RFPL1: variants seen among roughly 807,000 people sequenced by gnomAD.
RFPL1 encodes ret finger protein like 1, also known as ret finger protein-like 1.
RFPL1 carries 6 observed loss-of-function variants against 9.6 expected under a neutral mutation model. The ratio of observed to expected loss-of-function variants is 0.62; its 90% confidence interval spans 0.34 to 1.23. The LOEUF (loss-of-function observed/expected upper bound fraction) is 1.23, where lower values mean the gene tolerates loss of function less well. Among genes scored for constraint, RFPL1 ranks in the 50% most tolerant of loss-of-function variants. The probability of loss-of-function intolerance (pLI) is 0.03; values close to 1 mark genes in which losing one functional copy is unlikely to be tolerated. For missense variants in RFPL1, 352 were observed against 398.4 expected (o/e 0.88, Z 0.99); for synonymous variants, 145 against 149.4 (o/e 0.97, Z 0.22).
the RFPL1 span, among the ~76,000 whole-genome samples, chr22:29,405,430 G>A: frequency 2.0e-5 from 3 of 152,162 alleles, no homozygotes; most frequent in Non-Finnish European, 4.4e-5. Context: ...ATAACTGAGA[G>A]ACTTTAAATG....
chr22:29,405,966 G>A, the RFPL1 span, among the ~76,000 whole-genome samples: 18 of 150,200 alleles, frequency 1.2e-4, no homozygotes, highest in South Asian at 1.9e-3. Flanking sequence ...AAAATTAGCC[G>A]GGCGCGGTGG....
chr22:29,438,495 A>G, upstream of RFPL1: 1 of 920,122 alleles, frequency 1.1e-6, no homozygotes, highest in Non-Finnish European at 1.4e-6. Context: ...CCAGCCCCTA[A>G]TTCTTATGTT....
chr22:29,423,054 G>A, the RFPL1 span: 15 of 1,057,502 alleles, frequency 1.4e-5, 1 homozygote, highest in Middle Eastern at 2.0e-4. Context: ...ACTCCCTACC[G>A]CCATAGGAGG....
chr22:29,442,116 C>G, exon 2 of RFPL1: 1 of 1,526,286 alleles, frequency 6.6e-7, no homozygotes, highest in Non-Finnish European at 8.8e-7. Context: ...CTGGGGAGGC[C>G]AAATAAGCCC....
chr22:29,437,419 G>A, upstream of RFPL1: 1 of 519,312 alleles, frequency 1.9e-6, no homozygotes, highest in South Asian at 2.2e-5. Flanking sequence ...TCTAAAATAA[G>A]CTTTTGAAGT....
At chr22:29,424,637 A>G in the RFPL1 span, among the ~76,000 whole-genome samples, 1 of 141,752 alleles carries the variant, frequency 7.1e-6, no homozygotes, top group African/African-American at 2.7e-5. Context: ...CAATTCCTTG[A>G]CAGTGGCTAA....
At chr22:29,427,196 C>A in the RFPL1 span, among the ~76,000 whole-genome samples, 1 of 152,236 alleles carries the variant, frequency 6.6e-6, no homozygotes, top group South Asian at 2.1e-4. Context: ...GGGGGCCTGA[C>A]AGTGCCCAGG....
At chr22:29,409,878 T>C in the RFPL1 span, among the ~76,000 whole-genome samples, 98,981 of 152,006 alleles carry the variant, frequency 0.65, 34,121 homozygotes, top group African/African-American at 0.88. Context: ...AGTTGGATGA[T>C]GGTAGTCAAA....
At chr22:29,390,582 T>TTTTTTTTATTTA in the RFPL1 span, among the ~76,000 whole-genome samples, 1 of 146,838 alleles carries the variant, frequency 6.8e-6, no homozygotes, top group Admixed American at 6.7e-5. Context: ...CTTATTCCAT[T>TTTTTTTTATTTA]TTTATTTATT....
exon 2 of RFPL1, chr22:29,442,066 C>T (rs1393059648): frequency 3.1e-6 from 5 of 1,609,262 alleles, no homozygotes; most frequent in Non-Finnish European, 4.2e-6. Context: ...GAGTATCTGT[C>T]CTGTGATAAA....
the RFPL1 span, among the ~76,000 whole-genome samples, chr22:29,398,496 G>A: frequency 2.0e-4 from 30 of 152,316 alleles, no homozygotes; most frequent in East Asian, 5.8e-4. Context: ...TGCAATCCTC[G>A]TGCAGTTGGA....
chr22:29,429,631 G>A, the RFPL1 span, among the ~76,000 whole-genome samples: 1 of 152,106 alleles, frequency 6.6e-6, no homozygotes, highest in African/African-American at 2.4e-5. Flanking sequence ...CAAAAAACCT[G>A]AACAGACCAA....
chr22:29,404,279 G>C, the RFPL1 span, among the ~76,000 whole-genome samples: 2 of 152,212 alleles, frequency 1.3e-5, no homozygotes, highest in Non-Finnish European at 2.9e-5. Context: ...AACTTCAGTG[G>C]GTAGCCAAAG....
At chr22:29,424,071 T>C in the RFPL1 span, among the ~76,000 whole-genome samples, 1 of 151,942 alleles carries the variant, frequency 6.6e-6, no homozygotes, top group African/African-American at 2.4e-5. Flanking sequence ...TCCCAGTTAC[T>C]CAGGAGGCTG....
chr22:29,437,346 G>C, upstream of RFPL1: 1 of 345,476 alleles, frequency 2.9e-6, no homozygotes, highest in Non-Finnish European at 5.3e-6. Flanking sequence ...AGGTTTCCAA[G>C]CAAAGCTTGA....
the RFPL1 span, among the ~76,000 whole-genome samples, chr22:29,426,396 G>A: frequency 6.6e-6 from 1 of 151,946 alleles, no homozygotes; most frequent in East Asian, 1.9e-4. Context: ...TTAGAGACAC[G>A]AATGGAATAT....
the RFPL1 span, among the ~76,000 whole-genome samples, chr22:29,415,567 C>T: frequency 2.0e-5 from 3 of 152,244 alleles, no homozygotes; most frequent in African/African-American, 7.2e-5. Flanking sequence ...GCCTAAGAGG[C>T]TGCCTCGCTT....
the RFPL1 span, among the ~76,000 whole-genome samples, chr22:29,430,200 T>C: frequency 6.7e-6 from 1 of 149,048 alleles, no homozygotes; most frequent in Non-Finnish European, 1.5e-5. Context: ...TCAAAGATGA[T>C]TTTTGGGGGG....
At chr22:29,420,599 G>A in the RFPL1 span, among the ~76,000 whole-genome samples, 1 of 144,156 alleles carries the variant, frequency 6.9e-6, no homozygotes, top group African/African-American at 2.6e-5. Context: ...AAAGCCTTGG[G>A]ATTACAGGCA....
Sources: gnomAD v4.1 joint callset for allele counts (sites outside exome capture counted in the v4.1 genomes callset) on GRCh38, gnomAD v4.1.1 for gene constraint, MANE v1.5 for transcripts, NCBI Gene and HGNC (gene_info 2026-07-23, HGNC 2026-07-21) for gene names.